Variants in CCDC146 observed in about 807,000 individuals in gnomAD.
CCDC146 encodes coiled-coil domain containing 146.
A neutral mutation model predicts 119.3 loss-of-function variants in CCDC146; 92 were observed. The observed-to-expected ratio is 0.77, with a 90% CI of 0.65 to 0.92. The LOEUF is 0.92. Ranked by LOEUF, CCDC146 falls within the 40% of genes least tolerant of loss-of-function variation. The pLI, the probability that CCDC146 is intolerant of heterozygous loss-of-function variation, is 0.00. For synonymous variants in CCDC146, 372 were observed against 371.8 expected, an observed-to-expected ratio of 1.00 and a Z score of -0.01; for missense variants, 1,000 against 1,103.0, an observed-to-expected ratio of 0.91 and a Z score of 1.32.
chr7:77,290,048 A>C (rs1315784969), intron 17 of CCDC146, among the ~76,000 whole-genome samples: 2 of 145,358 alleles, frequency 1.4e-5, no homozygotes, highest in African/African-American at 5.4e-5. Context: ...TACACCATGG[A>C]ATACTATGCA....
At chr7:77,247,104 TA>T (rs1413895215) in intron 4 of CCDC146, among the ~76,000 whole-genome samples, 1 of 151,938 alleles carries the variant, frequency 6.6e-6, no homozygotes, top group Non-Finnish European at 1.5e-5. Flanking sequence ...ACAGGGAAAA[TA>T]AAAATGATCA....
intron 1 of CCDC146, among the ~76,000 whole-genome samples, chr7:77,156,403 CTCTTT>C (rs1791179715): frequency 6.6e-6 from 1 of 151,774 alleles, no homozygotes; most frequent in Admixed American, 6.6e-5. Flanking sequence ...TCCTGTAGGA[CTCTTT>C]TCTTTTCAGG....
At chr7:77,126,486 TAGC>T (rs1465702127) in intron 1 of CCDC146, among the ~76,000 whole-genome samples, 2 of 151,950 alleles carry the variant, frequency 1.3e-5, no homozygotes, top group Admixed American at 6.5e-5. Flanking sequence ...CCACAGTGGG[TAGC>T]TCCTCTCTGT....
At chr7:77,209,022 C>T (rs759678307) in intron 2 of CCDC146, among the ~76,000 whole-genome samples, 2 of 152,154 alleles carry the variant, frequency 1.3e-5, no homozygotes, top group African/African-American at 2.4e-5. Context: ...CATCATTTCA[C>T]CTCCGGCCCC....
chr7:77,294,008 A>C (rs1273889258), intron 18 of CCDC146, among the ~76,000 whole-genome samples: 1 of 152,138 alleles, frequency 6.6e-6, no homozygotes, highest in African/African-American at 2.4e-5. Flanking sequence ...TTCAGATTTT[A>C]CCTGTGGTGT....
At chr7:77,187,352 T>A (rs1206182102) in intron 2 of CCDC146, among the ~76,000 whole-genome samples, 2 of 152,208 alleles carry the variant, frequency 1.3e-5, no homozygotes, top group Non-Finnish European at 2.9e-5. Flanking sequence ...AAAGCCTTAG[T>A]TTGATTATGT....
chr7:77,171,431 G>A (rs71217161), intron 2 of CCDC146, among the ~76,000 whole-genome samples: 1 of 152,178 alleles, frequency 6.6e-6, no homozygotes, highest in African/African-American at 2.4e-5. Flanking sequence ...CAACTCCTGT[G>A]AGAAGACCGG....
intron 2 of CCDC146, among the ~76,000 whole-genome samples, chr7:77,186,645 A>G (rs1249251921): frequency 6.6e-6 from 1 of 152,170 alleles, no homozygotes; most frequent in Non-Finnish European, 1.5e-5. Context: ...TGTAACACAA[A>G]GGATAAATGC....
At chr7:77,244,087 AG>A (rs1792900784) in intron 4 of CCDC146, among the ~76,000 whole-genome samples, 1 of 152,180 alleles carries the variant, frequency 6.6e-6, no homozygotes, top group African/African-American at 2.4e-5. Flanking sequence ...CATCTTGGCC[AG>A]GGTGGTCTTG....
chr7:77,292,874 A>G (rs1356563461), intron 17 of CCDC146, 78 bp from the exon 18 acceptor site: 3 of 1,481,134 alleles, frequency 2.0e-6, no homozygotes, highest in Non-Finnish European at 2.7e-6. Flanking sequence ...CCCCGCCATT[A>G]TAGACAGCCA....
At chr7:77,140,512 C>A (rs28615742) in intron 1 of CCDC146, among the ~76,000 whole-genome samples, 14 of 152,272 alleles carry the variant, frequency 9.2e-5, no homozygotes, top group African/African-American at 3.1e-4. Context: ...TTGTTCCTCA[C>A]ATGGTGGAGT....
intron 1 of CCDC146, among the ~76,000 whole-genome samples, chr7:77,152,956 G>T (rs965560598): frequency 1.3e-5 from 2 of 152,164 alleles, no homozygotes. Flanking sequence ...AAATCATCTT[G>T]CAGTTTAGGA....
Position 77,286,827 on chromosome 7 carries a change from C to G in CCDC146, c.2178C>G (p.Asp726Glu). The G allele has an allele frequency of 6.2e-7, 1 of 1,613,726 alleles. No homozygotes were observed. The highest frequency in any genetic ancestry group is 8.5e-7 in the Non-Finnish European group (1 of 1,179,644). The change falls in exon 16 of 19, where the codon GAC becomes GAG. Residue 726 changes from aspartate to glutamate, a missense_variant. Around this residue, in one of 2 missense-constraint regions of CCDC146, gnomAD observed 985 missense variants for 1,045.3 expected, o/e 0.94. Coordinates refer to ENST00000285871, the MANE Select transcript of CCDC146 (RefSeq NM_020879.3). The part of the protein sequence containing the change: ...QFSQCTDRIK[D>E]LEKQFVKPDG... Reference sequence around the variant, plus strand: ...CACAGTGTACAGACAGAATTAAAGACCTGGAGAAACAGTTCGTAAAGCCTG... The same window carrying G: ...CACAGTGTACAGACAGAATTAAAGAGCTGGAGAAACAGTTCGTAAAGCCTG...
intron 3 of CCDC146, among the ~76,000 whole-genome samples, chr7:77,238,846 A>G (rs1398833465): frequency 1.3e-5 from 2 of 152,248 alleles, no homozygotes; most frequent in South Asian, 2.1e-4. Flanking sequence ...CAGCTATGGC[A>G]CTATTTCTTC....
At chr7:77,193,205 A>G (rs1791803370) in intron 2 of CCDC146, among the ~76,000 whole-genome samples, 4 of 152,206 alleles carry the variant, frequency 2.6e-5, no homozygotes, top group Admixed American at 1.3e-4. Flanking sequence ...TTGTATTTCA[A>G]ATGTTTCAAC....
chr7:77,199,310 T>C, intron 2 of CCDC146: 1 of 1,614,156 alleles, frequency 6.2e-7, no homozygotes, highest in Non-Finnish European at 8.5e-7. Flanking sequence ...TTTACAAGAT[T>C]CAGCTTCTCC....
intron 2 of CCDC146, among the ~76,000 whole-genome samples, chr7:77,177,662 G>C (rs1057035724): frequency 6.6e-6 from 1 of 152,112 alleles, no homozygotes; most frequent in Non-Finnish European, 1.5e-5. Flanking sequence ...AATATTTCTA[G>C]TATGTTTCCC....
intron 1 of CCDC146, among the ~76,000 whole-genome samples, chr7:77,140,429 G>T (rs1256523891): frequency 1.3e-5 from 2 of 152,202 alleles, no homozygotes; most frequent in Admixed American, 1.3e-4. Flanking sequence ...AGTATTGCTG[G>T]TGATACTGAT....
intron 15 of CCDC146, among the ~76,000 whole-genome samples, chr7:77,284,256 T>G (rs1793811016): frequency 1.3e-5 from 2 of 152,138 alleles, no homozygotes; most frequent in South Asian, 4.1e-4. Flanking sequence ...ATATCAGATA[T>G]CCATACTCTT....
Sources: allele counts gnomAD v4.1 joint callset (sites outside exome capture counted in the v4.1 genomes callset), GRCh38; gene constraint gnomAD v4.1.1; regional missense constraint gnomAD v4.1.1; transcripts MANE v1.5; gene names NCBI Gene and HGNC (gene_info 2026-07-23, HGNC 2026-07-21).